Variants in LIMA1 observed in about 807,000 individuals in gnomAD.
The protein encoded by LIMA1 is LIM domain and actin binding 1, also known as LIM domain and actin-binding protein 1.
Under a neutral mutation model 62.6 loss-of-function variants are expected in LIMA1, and 52 were observed. The observed-to-expected ratio is 0.83, with a 90% confidence interval of 0.67 to 1.05. The LOEUF (loss-of-function observed/expected upper bound fraction) is 1.05. Ranked by LOEUF, LIMA1 falls within the 50% of genes least tolerant of loss-of-function variation. LIMA1 has a pLI of 0.00. For missense variants in LIMA1, 780 were observed against 902.2 expected (o/e 0.86, Z 1.74); for synonymous variants, 302 against 317.8 (o/e 0.95, Z 0.53).
intron 1 of LIMA1, among the ~76,000 whole-genome samples, chr12:50,259,354 C>T (rs768224990): frequency 1.3e-5 from 2 of 152,146 alleles, no homozygotes; most frequent in Non-Finnish European, 2.9e-5. Flanking sequence ...GAAGACAGAT[C>T]TACTTTGTCT....
intron 1 of LIMA1, among the ~76,000 whole-genome samples, chr12:50,270,381 T>C (rs918198235): frequency 6.6e-6 from 1 of 151,678 alleles, no homozygotes; most frequent in African/African-American, 2.4e-5. Flanking sequence ...GATAGATTGC[T>C]TGAGTTCAGG....
At chr12:50,278,722 A>T (rs189731830) in intron 1 of LIMA1, among the ~76,000 whole-genome samples, 10 of 152,344 alleles carry the variant, frequency 6.6e-5, no homozygotes, top group Admixed American at 3.9e-4. Context: ...ATAAATTATT[A>T]AATAGATTAC....
intron 4 of LIMA1, among the ~76,000 whole-genome samples, chr12:50,212,158 G>C (rs1316232531): frequency 6.6e-6 from 1 of 152,132 alleles, no homozygotes; most frequent in Non-Finnish European, 1.5e-5. Context: ...AAGTAAGTTA[G>C]GTTCTAAATA....
chr12:50,196,016 T>C (rs767371129), intron 7 of LIMA1, 129 bp from the exon 8 acceptor site: 4 of 887,456 alleles, frequency 4.5e-6, no homozygotes, highest in Non-Finnish European at 6.5e-6. Flanking sequence ...CTAGGGGAAA[T>C]AACGGGCACC....
At chr12:50,208,212 A>T (rs1019012578) in intron 4 of LIMA1, among the ~76,000 whole-genome samples, 1 of 152,106 alleles carries the variant, frequency 6.6e-6, no homozygotes, top group Non-Finnish European at 1.5e-5. Flanking sequence ...TAGACTGGGC[A>T]CGGTGGCTCA....
intron 9 of LIMA1, chr12:50,186,602 T>A (rs1940636339): frequency 6.6e-6 from 1 of 152,284 alleles, no homozygotes; most frequent in Admixed American, 6.5e-5. Context: ...CAGTGATAAG[T>A]TTTGCAAGAA....
At chr12:50,201,623 G>T in intron 6 of LIMA1, 1 of 759,016 alleles carries the variant, frequency 1.3e-6, no homozygotes, top group Non-Finnish European at 1.6e-6. Context: ...GAACCTGGGT[G>T]CAGTGGCTCA....
intron 9 of LIMA1, chr12:50,186,748 T>G (rs1182765639): frequency 6.6e-6 from 1 of 152,330 alleles, no homozygotes; most frequent in Non-Finnish European, 1.5e-5. Flanking sequence ...TCTTATTAAA[T>G]GTTTCTTTCT....
At chr12:50,267,938 AGCCACCGT>A (rs1352331561) in intron 1 of LIMA1, among the ~76,000 whole-genome samples, 3 of 152,084 alleles carry the variant, frequency 2.0e-5, no homozygotes, top group African/African-American at 7.2e-5. Context: ...TACAGGTGTA[AGCCACCGT>A]GCCCGGCCAC....
At chr12:50,255,758 A>C (rs1941988210) in intron 1 of LIMA1, among the ~76,000 whole-genome samples, 2 of 151,894 alleles carry the variant, frequency 1.3e-5, no homozygotes, top group East Asian at 3.9e-4. Flanking sequence ...TTGCAAAGGG[A>C]ATTTTAAATA....
intron 4 of LIMA1, among the ~76,000 whole-genome samples, chr12:50,211,064 G>A (rs545746777): frequency 3.3e-4 from 50 of 152,300 alleles, no homozygotes; most frequent in African/African-American, 1.2e-3. Context: ...GCTCATGCCT[G>A]TAATCCCAGC....
rs1364071320 is a variant in LIMA1, at chr12:50,204,708, C to CATCCAA, written c.716-14_716-9dup. On this transcript the variant is annotated splice_polypyrimidine_tract_variant and intron_variant, in intron 5 of 10. Transcript: ENST00000341247. ...TAGAAGATGACAACTGACCTGGAAGCATCCAAATAACATGTTTTATTTTAT... is the reference window on the plus strand; with the variant it reads ...TAGAAGATGACAACTGACCTGGAAGCATCCAAATCCAAATAACATGTTTTATTTTAT... 6.2e-7 allele frequency: 1 copy of CATCCAA among 1,613,550 alleles called. No homozygotes were observed. The highest frequency in any genetic ancestry group is 8.5e-7 in the Non-Finnish European group (1 of 1,179,794).
chr12:50,230,576 C>CT lies in LIMA1; in HGVS notation c.165+1088dup, dbSNP rs1203765809. Among the ~76,000 whole-genome samples the CT allele has an allele frequency of 2.8e-3, 429 of 150,904 alleles. 1 individual carries two copies. Among genetic ancestry groups the CT allele is most frequent in the African/African-American group, 8.4e-3 (348 of 41,188 alleles). The stretch of plus-strand genomic sequence containing the variant: ...GGTAGTTTTTTCTTTTTTTCTTTTT[C>CT]TTTTTTTTTGAGACAGAGTCTCGCT... On this transcript the variant is annotated intron_variant, in intron 3 of 10. Coordinates refer to ENST00000341247, the MANE Select transcript of LIMA1 (RefSeq NM_016357.5).
intron 4 of LIMA1, among the ~76,000 whole-genome samples, chr12:50,212,113 T>C (rs1174947250): frequency 3.9e-5 from 6 of 152,266 alleles, no homozygotes; most frequent in Non-Finnish European, 8.8e-5. Context: ...CAGTAGTCTG[T>C]AGAATTTTTT....
rs71441354 is a variant in LIMA1 at position 50,280,144 on chromosome 12, A to ATTTTTTTTTT, written c.-24+3266_-24+3275dup. On this transcript the variant is annotated intron_variant, in intron 1 of 10. Transcript: ENST00000341247. ...AAGTTCTTAGTTTCAGGGTAGTAGT[A>ATTTTTTTTTT]TTTTTTTTTTTTTTTTTTTTTTTTT... 5.9e-4 allele frequency among the ~76,000 whole-genome samples: 40 copies of ATTTTTTTTTT among 68,310 alleles called. 6 individuals carry two copies. Among genetic ancestry groups the ATTTTTTTTTT allele is most frequent in the Non-Finnish European group, 7.8e-4 (29 of 36,960 alleles). The allele number at this position is 68,310 out of a possible 152,430, so 44.8% of individuals were successfully genotyped here.
intron 9 of LIMA1, among the ~76,000 whole-genome samples, chr12:50,185,075 C>A (rs1343942577): frequency 6.6e-6 from 1 of 152,270 alleles, no homozygotes; most frequent in African/African-American, 2.4e-5. Flanking sequence ...TGTGATCTGC[C>A]CACCTTGGCC....
chr12:50,232,944 G>A (rs988570923), intron 2 of LIMA1, among the ~76,000 whole-genome samples: 4 of 152,172 alleles, frequency 2.6e-5, no homozygotes, highest in African/African-American at 4.8e-5. Context: ...CTGAGATCAC[G>A]CCACTGCACT....
intron 1 of LIMA1, among the ~76,000 whole-genome samples, chr12:50,258,711 G>C (rs1014374633): frequency 7.2e-6 from 1 of 138,642 alleles, no homozygotes; most frequent in African/African-American, 2.8e-5. Context: ...GCAGTGGTGC[G>C]ATCTCGGCTC....
intron 1 of LIMA1, among the ~76,000 whole-genome samples, chr12:50,272,390 G>A (rs1159980659): frequency 6.6e-6 from 1 of 151,370 alleles, no homozygotes; most frequent in Non-Finnish European, 1.5e-5. Flanking sequence ...GGGAGTTCGA[G>A]ATCAGCCTGA....
Sources: gnomAD v4.1 joint callset for allele counts (sites outside exome capture counted in the v4.1 genomes callset) on GRCh38, gnomAD v4.1.1 for gene constraint, MANE v1.5 for transcripts, NCBI Gene and HGNC (gene_info 2026-07-23, HGNC 2026-07-21) for gene names.